The following SH2D4B variants were observed in gnomAD, a reference collection of about 807,000 sequenced individuals.
SH2D4B encodes SH2 domain containing 4B.
Under a neutral mutation model 61.5 loss-of-function variants are expected in SH2D4B, and 45 were observed. The observed-to-expected ratio is 0.73, with a 90% CI of 0.58 to 0.94. The LOEUF is 0.94. Among genes scored for constraint, SH2D4B ranks in the 40% least tolerant of loss-of-function variants. SH2D4B has a pLI of 0.00. For synonymous variants in SH2D4B, 224 were observed against 220.4 expected (o/e 1.02, Z -0.14); for missense variants, 572 against 574.2 (o/e 1.00, Z 0.04).
chr10:80,540,820 AAGC>A (rs1841567680), intron 1 of SH2D4B: 1 of 1,549,784 alleles, frequency 6.5e-7, no homozygotes, highest in Admixed American at 2.0e-5. Context: ...GCTTGGTTCA[AAGC>A]AGCCGTGCCG....
intron 7 of SH2D4B, among the ~76,000 whole-genome samples, chr10:80,638,535 A>G (rs1180320928): frequency 6.6e-6 from 1 of 152,096 alleles, no homozygotes; most frequent in East Asian, 1.9e-4. Context: ...GTGTCTAGGA[A>G]TTTATCCATT....
chr10:80,572,929 T>G, intron 3 of SH2D4B, among the ~76,000 whole-genome samples: 1 of 119,476 alleles, frequency 8.4e-6, no homozygotes, highest in African/African-American at 3.1e-5. Flanking sequence ...ATGTTGGCCT[T>G]TTCATGTATG....
intron 1 of SH2D4B, among the ~76,000 whole-genome samples, chr10:80,547,758 G>A (rs1334340617): frequency 6.6e-6 from 1 of 152,178 alleles, no homozygotes; most frequent in South Asian, 2.1e-4. Flanking sequence ...GAGGTGTCTA[G>A]GGGTGAGGGA....
chr10:80,641,960 C>A (rs2132168211), intron 7 of SH2D4B, among the ~76,000 whole-genome samples: 1 of 152,338 alleles, frequency 6.6e-6, no homozygotes, highest in South Asian at 2.1e-4. Context: ...AAGCCTCATT[C>A]ATTTCAAGTC....
intron 6 of SH2D4B, among the ~76,000 whole-genome samples, chr10:80,625,535 TTTTTA>T: frequency 6.6e-6 from 1 of 152,152 alleles, no homozygotes; most frequent in Middle Eastern, 3.4e-3. Context: ...GTTTTCTTGT[TTTTTA>T]TTCATTTTTG....
intron 3 of SH2D4B, among the ~76,000 whole-genome samples, chr10:80,587,815 C>T (rs962590966): frequency 5.3e-5 from 8 of 152,194 alleles, no homozygotes; most frequent in Admixed American, 1.3e-4. Flanking sequence ...CAGTGTTTAG[C>T]TTCCACTTAT....
rs142217719 is a variant in SH2D4B at position 80,599,169 on chromosome 10, A to G, written c.644-4410A>G. ...CACCAGAGTCGGGGTCAGTGATACT[A>G]AAATGCTGTAGGCTTGAGACAGGTA... On this transcript the variant is annotated intron_variant, in intron 4 of 7. Coordinates refer to ENST00000646907, the MANE Select transcript of SH2D4B (RefSeq NM_001388272.1). Among the ~76,000 whole-genome samples, 1,055 of 152,232 alleles carry G rather than the reference A, an allele frequency of 6.9e-3. 6 individuals are homozygous for G. The highest frequency in any genetic ancestry group is 0.012 in the Non-Finnish European group (792 of 68,022).
intron 7 of SH2D4B, among the ~76,000 whole-genome samples, chr10:80,641,198 G>A (rs1380718853): frequency 2.0e-5 from 3 of 152,226 alleles, no homozygotes; most frequent in Non-Finnish European, 4.4e-5. Context: ...CCTGTATGAG[G>A]TGTCAGTCAG....
Position 80,601,086 on chromosome 10 carries a change from A to G in SH2D4B, c.644-2493A>G, listed in dbSNP as rs549153885. ...CTTCTCAGGGCCACTTGGCAGACACAAGGCCCTTCCTTGAGGAACACAAAA... is the reference window on the plus strand; with the variant it reads ...CTTCTCAGGGCCACTTGGCAGACACGAGGCCCTTCCTTGAGGAACACAAAA... On this transcript the variant is annotated intron_variant, in intron 4 of 7. Coordinates refer to ENST00000646907, the MANE Select transcript of SH2D4B (RefSeq NM_001388272.1). 5.6e-4 allele frequency among the ~76,000 whole-genome samples: 86 copies of G among 152,304 alleles called. 1 individual carries two copies. The Middle Eastern group carries it at 0.014, about 24-fold the overall frequency.
chr10:80,630,974 T>C (rs954026424), intron 6 of SH2D4B, among the ~76,000 whole-genome samples: 6 of 152,206 alleles, frequency 3.9e-5, no homozygotes, highest in Non-Finnish European at 7.3e-5. Flanking sequence ...CATAACATCG[T>C]CACTTTGGTA....
intron 3 of SH2D4B, among the ~76,000 whole-genome samples, chr10:80,573,528 G>A (rs1353391951): frequency 6.6e-6 from 1 of 152,006 alleles, no homozygotes; most frequent in Non-Finnish European, 1.5e-5. Flanking sequence ...GTAATAGAGG[G>A]CTCTTTATTT....
At chr10:80,622,420 T>A (rs1448834852) in intron 6 of SH2D4B, among the ~76,000 whole-genome samples, 2 of 152,242 alleles carry the variant, frequency 1.3e-5, no homozygotes, top group African/African-American at 2.4e-5. Context: ...TTTTTGCAGT[T>A]AAACGAGGGC....
chr10:80,558,924 T>A (rs1319005803), intron 1 of SH2D4B, among the ~76,000 whole-genome samples: 1 of 152,234 alleles, frequency 6.6e-6, no homozygotes. Flanking sequence ...TCTGAGGTCA[T>A]GAAGGTCTAA....
intron 3 of SH2D4B, among the ~76,000 whole-genome samples, chr10:80,581,814 A>G (rs968911051): frequency 3.3e-5 from 5 of 152,176 alleles, no homozygotes; most frequent in Non-Finnish European, 7.3e-5. Flanking sequence ...TGGCTCTGAC[A>G]GGCCTTGACT....
At chr10:80,581,654 T>C (rs190743661) in intron 3 of SH2D4B, among the ~76,000 whole-genome samples, 26 of 152,276 alleles carry the variant, frequency 1.7e-4, no homozygotes, top group African/African-American at 6.0e-4. Context: ...CTGCCACACC[T>C]TGACTTTGGA....
chr10:80,593,820 G>GT (rs899819010), intron 4 of SH2D4B, among the ~76,000 whole-genome samples: 2 of 151,836 alleles, frequency 1.3e-5, no homozygotes, highest in Admixed American at 1.3e-4. Flanking sequence ...GTTTTGTTTT[G>GT]TTTTTTTGAG....
chr10:80,561,520 A>G (rs555208186), intron 1 of SH2D4B, among the ~76,000 whole-genome samples: 6 of 152,364 alleles, frequency 3.9e-5, no homozygotes, highest in African/African-American at 1.4e-4. Flanking sequence ...AAAATGAAAA[A>G]TAAACCAATG....
chr10:80,560,581 G>A (rs902272797), intron 1 of SH2D4B, among the ~76,000 whole-genome samples: 1 of 151,262 alleles, frequency 6.6e-6, no homozygotes, highest in Admixed American at 6.6e-5. Flanking sequence ...AGAGACAGGG[G>A]GTCTTGCTTT....
chr10:80,604,525 T>C (rs1842493241), intron 5 of SH2D4B, among the ~76,000 whole-genome samples: 1 of 152,260 alleles, frequency 6.6e-6, no homozygotes, highest in Non-Finnish European at 1.5e-5. Context: ...ACCTGCCTGC[T>C]CCTTTAACCT....
Sources: allele counts gnomAD v4.1 joint callset (sites outside exome capture counted in the v4.1 genomes callset), GRCh38; gene constraint gnomAD v4.1.1; transcripts MANE v1.5; gene names NCBI Gene and HGNC (gene_info 2026-07-23, HGNC 2026-07-21).